Variants in XKR4 observed in about 807,000 individuals in gnomAD.
The protein encoded by XKR4 is XK-related protein 4.
XKR4 carries 12 observed loss-of-function variants against 53.9 expected under a neutral mutation model. That is an observed-to-expected ratio of 0.22 (90% CI 0.14 to 0.36). The LOEUF (loss-of-function observed/expected upper bound fraction) is 0.36. XKR4 is among the 10% of genes least tolerant of loss of function. The pLI, the probability that XKR4 is intolerant of heterozygous loss-of-function variation, is 1.00. For missense variants in XKR4, 799 were observed against 859.5 expected (o/e 0.93, Z 0.88); for synonymous variants, 354 against 362.4 (o/e 0.98, Z 0.26).
At position 55,512,519 on chromosome 8, in the gene XKR4, TTC is replaced by T. The variant is rs1563370326; in HGVS notation, c.1007-10756_1007-10755del. Among the ~76,000 whole-genome samples the T allele has an allele frequency of 2.0e-5, 3 of 152,306 alleles. No individual in the cohort carries two copies. In the South Asian group the frequency reaches 6.2e-4, roughly 32 times the overall value. The stretch of plus-strand genomic sequence containing the variant: ...CCTGGACCAAGCCTTAGTACACGGG[TTC>T]TCTCTTCTCTACACTGCTCACTATG... On this transcript the variant is annotated intron_variant, in intron 2 of 2. Transcript: ENST00000327381.
At chr8:55,449,613 A>G in intron 2 of XKR4, 1 of 1,136,414 alleles carries the variant, frequency 8.8e-7, no homozygotes, top group Non-Finnish European at 1.3e-6. Flanking sequence ...TTCACGTCAA[A>G]GAAGGCCTTC....
rs920165704 is a variant in XKR4, at chr8:55,534,271, G to A, written c.*10044G>A. 6 of 150,580 alleles carry A rather than the reference G, an allele frequency of 4.0e-5. No homozygotes were observed. The highest frequency in any genetic ancestry group is 1.2e-4 in the African/African-American group (5 of 40,966). 9.3% of individuals were successfully genotyped at this position (150,580 alleles called of 1,614,324 possible). On this transcript the variant is annotated 3_prime_UTR_variant, in exon 3 of 3. Coordinates refer to ENST00000327381, the MANE Select transcript of XKR4 (RefSeq NM_052898.2). ...GTGGTGACATTAGCAGTTCCAAACCGAGATCCATTTCTATGTGGAATTGGC... is the reference window on the plus strand; with the variant it reads ...GTGGTGACATTAGCAGTTCCAAACCAAGATCCATTTCTATGTGGAATTGGC...
intron 1 of XKR4, among the ~76,000 whole-genome samples, chr8:55,122,622 G>A (rs759644489): frequency 1.3e-5 from 2 of 152,152 alleles, no homozygotes; most frequent in Admixed American, 6.5e-5. Flanking sequence ...GAATTAGCAC[G>A]TGTTAAAGAA....
At chr8:55,233,050 G>A (rs1405122360) in intron 1 of XKR4, among the ~76,000 whole-genome samples, 1 of 152,198 alleles carries the variant, frequency 6.6e-6, no homozygotes, top group Non-Finnish European at 1.5e-5. Flanking sequence ...TAGGTATCTG[G>A]AGGGCTGGAT....
intron 2 of XKR4, among the ~76,000 whole-genome samples, chr8:55,463,332 T>C (rs1343462867): frequency 1.3e-5 from 2 of 152,006 alleles, no homozygotes; most frequent in East Asian, 1.9e-4. Flanking sequence ...CACTCAAAAC[T>C]GCTCAACTAC....
intron 2 of XKR4, among the ~76,000 whole-genome samples, chr8:55,499,670 A>T (rs1413890866): frequency 6.6e-6 from 1 of 152,222 alleles, no homozygotes; most frequent in East Asian, 1.9e-4. Flanking sequence ...GATGAAAAGA[A>T]TTCAAGGCAA....
At chr8:55,392,413 A>G (rs1256367718) in intron 2 of XKR4, among the ~76,000 whole-genome samples, 2 of 152,252 alleles carry the variant, frequency 1.3e-5, no homozygotes, top group African/African-American at 2.4e-5. Context: ...CAAAGATGAG[A>G]CAATGTTTTT....
At chr8:55,250,848 C>A (rs1319096626) in intron 1 of XKR4, among the ~76,000 whole-genome samples, 1 of 152,164 alleles carries the variant, frequency 6.6e-6, no homozygotes, top group Non-Finnish European at 1.5e-5. Context: ...ATCAATGATT[C>A]TTTACCTTAA....
intron 2 of XKR4, among the ~76,000 whole-genome samples, chr8:55,378,818 C>T (rs1804188817): frequency 6.6e-6 from 1 of 152,210 alleles, no homozygotes; most frequent in African/African-American, 2.4e-5. Context: ...TCAGTTTTCT[C>T]ATCATCTAAT....
At chr8:55,301,124 T>G (rs903404845) in intron 1 of XKR4, among the ~76,000 whole-genome samples, 21 of 150,266 alleles carry the variant, frequency 1.4e-4, no homozygotes, top group Non-Finnish European at 2.4e-4. Context: ...TAGGTGTATC[T>G]CCTAATGCTA....
At chr8:55,305,344 A>G (rs1267377743) in intron 1 of XKR4, among the ~76,000 whole-genome samples, 1 of 152,126 alleles carries the variant, frequency 6.6e-6, no homozygotes, top group Non-Finnish European at 1.5e-5. Flanking sequence ...GGTGGGCCCC[A>G]GTTCTCCTGG....
At chr8:55,442,513 G>C (rs766330239) in intron 2 of XKR4, among the ~76,000 whole-genome samples, 1 of 152,102 alleles carries the variant, frequency 6.6e-6, no homozygotes, top group African/African-American at 2.4e-5. Flanking sequence ...GAACACATAC[G>C]TTTCAGAAAA....
intron 2 of XKR4, among the ~76,000 whole-genome samples, chr8:55,466,165 C>G (rs987181817): frequency 6.6e-6 from 1 of 152,088 alleles, no homozygotes; most frequent in Admixed American, 6.5e-5. Flanking sequence ...ATAAATCATG[C>G]TGCTATAAAG....
chr8:55,312,781 C>T (rs763908682), intron 1 of XKR4, among the ~76,000 whole-genome samples: 14 of 152,160 alleles, frequency 9.2e-5, no homozygotes, highest in Non-Finnish European at 1.5e-4. Flanking sequence ...TCTCATAAAA[C>T]TGTCTCTAAT....
chr8:55,331,030 A>C (rs1292862942), intron 1 of XKR4, among the ~76,000 whole-genome samples: 1 of 152,178 alleles, frequency 6.6e-6, no homozygotes, highest in African/African-American at 2.4e-5. Context: ...GCTATTAAGT[A>C]TATTCACACT....
chr8:55,386,795 A>C (rs1016487464), intron 2 of XKR4, among the ~76,000 whole-genome samples: 5 of 152,186 alleles, frequency 3.3e-5, no homozygotes, highest in African/African-American at 1.2e-4. Context: ...TTTCTAACAC[A>C]TTTATTTTCT....
At chr8:55,346,248 G>A (rs953382001) in intron 1 of XKR4, among the ~76,000 whole-genome samples, 6 of 151,828 alleles carry the variant, frequency 4.0e-5, no homozygotes, top group African/African-American at 1.5e-4. Flanking sequence ...ACCACACTCG[G>A]CTAATTTTTT....
At chr8:55,477,732 C>T (rs1483689155) in intron 2 of XKR4, among the ~76,000 whole-genome samples, 2 of 151,990 alleles carry the variant, frequency 1.3e-5, no homozygotes, top group African/African-American at 4.8e-5. Context: ...AGCTGAAAGC[C>T]AAGGCTCGAG....
chr8:55,313,481 C>T (rs540473978), intron 1 of XKR4, among the ~76,000 whole-genome samples: 6 of 152,300 alleles, frequency 3.9e-5, no homozygotes, highest in African/African-American at 1.4e-4. Flanking sequence ...GAAGAAAGAG[C>T]ACAAGTTACC....
Sources: gnomAD v4.1 joint callset for allele counts (sites outside exome capture counted in the v4.1 genomes callset) on GRCh38, gnomAD v4.1.1 for gene constraint, MANE v1.5 for transcripts, NCBI Gene and HGNC (gene_info 2026-07-23, HGNC 2026-07-21) for gene names.